Variants in DNAH5 observed in about 807,000 individuals in gnomAD.
DNAH5 encodes the protein axonemal beta dynein heavy chain 5.
A neutral mutation model predicts 518.2 loss-of-function variants in DNAH5; 372 were observed. The observed-to-expected ratio is 0.72, with a 90% CI of 0.66 to 0.78. The LOEUF (loss-of-function observed/expected upper bound fraction) is 0.78, where lower values mean the gene tolerates loss of function less well. Ranked by LOEUF, DNAH5 falls within the 30% of genes least tolerant of loss-of-function variation. DNAH5 has a pLI of 0.00. For missense variants in DNAH5, 5,523 were observed against 5,687.0 expected, an observed-to-expected ratio of 0.97 and a Z score of 0.93; for synonymous variants, 2,039 against 2,025.9, an observed-to-expected ratio of 1.01 and a Z score of -0.17.
At chr5:13,801,662 A>G (rs536296011) in intron 47 of DNAH5, among the ~76,000 whole-genome samples, 1 of 151,966 alleles carries the variant, frequency 6.6e-6, no homozygotes, top group Admixed American at 6.6e-5. Flanking sequence ...CTTGTTCTCC[A>G]CTCTACAGCC....
In DNAH5 at chr5:13,900,398, A is replaced by C; in HGVS notation, c.2067T>G (p.His689Gln). Residue 689 changes from histidine to glutamine, a missense_variant, in exon 15 of 79, where the codon CAT becomes CAG. Transcript: ENST00000265104. ...CCAATAATGAAGCCTCAAGACCTAC[A>C]TGAATTTCTTCAATCTGTGGGAAGA... is the stretch of plus-strand genomic sequence containing the variant. ...RAWLRQIEEI[H>Q]VGLEASLLVK... The C allele has an allele frequency of 6.2e-7, 1 of 1,614,146 alleles. No individual in the cohort carries two copies. The highest frequency in any genetic ancestry group is 1.1e-5 in the South Asian group (1 of 91,088).
chr5:13,861,264 T>C (rs1580633560), intron 29 of DNAH5, among the ~76,000 whole-genome samples: 1 of 152,224 alleles, frequency 6.6e-6, no homozygotes, highest in Admixed American at 6.5e-5. Context: ...ACCAAGTTCA[T>C]TAAAACTCAC....
At chr5:13,693,732 C>T (rs1351094233) in intron 78 of DNAH5, among the ~76,000 whole-genome samples, 1 of 152,044 alleles carries the variant, frequency 6.6e-6, no homozygotes, top group Non-Finnish European at 1.5e-5. Context: ...GTCAATAGTA[C>T]CAAGAGAATG....
chr5:13,766,610 C>T (rs973831947), intron 58 of DNAH5, among the ~76,000 whole-genome samples: 1 of 152,186 alleles, frequency 6.6e-6, no homozygotes, highest in African/African-American at 2.4e-5. Flanking sequence ...ACAATTCAGG[C>T]TCGTCACTGT....
chr5:13,939,231 A>G (rs2152022027), intron 1 of DNAH5, among the ~76,000 whole-genome samples: 1 of 152,306 alleles, frequency 6.6e-6, no homozygotes, highest in East Asian at 1.9e-4. Context: ...AAATTATTTT[A>G]CAAGTCACTC....
chr5:13,753,096 C>T, intron 63 of DNAH5, 137 bp downstream of exon 63: 1 of 652,606 alleles, frequency 1.5e-6, no homozygotes, highest in South Asian at 1.8e-5. Context: ...TAGATTTAAG[C>T]TTGCATCTGC....
Position 13,997,004 on chromosome 5 carries a change from A to C in DNAH5, c.12+14644T>G, listed in dbSNP as rs573389702. 2.0e-5 allele frequency among the ~76,000 whole-genome samples: 3 copies of C among 152,126 alleles called. No individual in the cohort carries two copies. In the East Asian group the frequency reaches 5.8e-4, roughly 29 times the overall value. The stretch of plus-strand genomic sequence containing the variant: ...CAACACTCTCCAGGGCATCCTTTGA[A>C]ATCTAGGTGGAGACAGCCATTCCCC... On this transcript the variant is annotated intron_variant, in intron 1 of 78. Transcript: ENST00000681290.
chr5:13,792,124 A>G lies in DNAH5; in HGVS notation c.8318T>C (p.Leu2773Pro), dbSNP rs1757095733. 6.2e-7 allele frequency: 1 copy of G among 1,614,086 alleles called. No individual in the cohort carries two copies. The highest frequency in any genetic ancestry group is 2.2e-5 in the East Asian group (1 of 44,874). The change falls in exon 50 of 79, where the codon CTA becomes CCA. Residue 2773 changes from leucine to proline, a missense_variant. Physicochemically the swap from Leu to Pro is moderately conservative, Grantham distance 98. This residue lies in a region of DNAH5 where 5,121 missense variants were observed against 5,223.3 expected (regional missense o/e 0.98). Transcript: ENST00000265104. Reference sequence around the variant, plus strand: ...CATTTTAATCTTGGTCATCTGCCATAGTCGGCGTGTCAGAGGCACCAATTT... The same window carrying G: ...CATTTTAATCTTGGTCATCTGCCATGGTCGGCGTGTCAGAGGCACCAATTT... ...VTKLVPLTRRLWQMTKIKMLP... is the reference protein window; with the variant it reads ...VTKLVPLTRRPWQMTKIKMLP...
intron 31 of DNAH5, among the ~76,000 whole-genome samples, chr5:13,849,482 A>G (rs1390585107): frequency 2.0e-5 from 3 of 152,180 alleles, no homozygotes; most frequent in Non-Finnish European, 2.9e-5. Context: ...CAAATTACCA[A>G]TTTGAGGACA....
intron 47 of DNAH5, among the ~76,000 whole-genome samples, chr5:13,800,613 A>C (rs115037906): frequency 0.012 from 1,863 of 152,286 alleles, 49 homozygotes; most frequent in African/African-American, 0.039. Context: ...ATGACCCCTT[A>C]AATTGCCTTC....
intron 54 of DNAH5, 43 bp from the exon 55 acceptor site, chr5:13,776,749 G>C: frequency 6.2e-7 from 1 of 1,602,394 alleles, no homozygotes; most frequent in Non-Finnish European, 8.5e-7. Context: ...ACACACATAG[G>C]AAAATAGATC....
intron 1 of DNAH5, among the ~76,000 whole-genome samples, chr5:13,995,941 A>C (rs1783905955): frequency 6.6e-6 from 1 of 152,230 alleles, no homozygotes; most frequent in Non-Finnish European, 1.5e-5. Context: ...ACAGATTTGT[A>C]CCCTACAAAC....
chr5:13,913,772 C>T lies in DNAH5; in HGVS notation c.1507G>A (p.Gly503Arg). The change falls in exon 11 of 79, where the codon GGG (glycine) becomes AGG (arginine). Residue 503 changes from glycine to arginine, a missense_variant. Physicochemically the swap from Gly to Arg is moderately radical, Grantham distance 125 (BLOSUM62 -2). Coordinates refer to ENST00000265104, the MANE Select transcript of DNAH5 (RefSeq NM_001369.3). ...YSVLQDSTIE[G>R]LEDMATKYQG... Reference sequence around the variant, plus strand: ...TATTTAGTGGCCATGTCTTCCAGCCCTTCAATTGTGGAATCTTGCAGGACT... The same window carrying T: ...TATTTAGTGGCCATGTCTTCCAGCCTTTCAATTGTGGAATCTTGCAGGACT... 1.9e-6 allele frequency: 3 copies of T among 1,613,492 alleles called. No individual in the cohort carries two copies. The highest frequency in any genetic ancestry group is 1.1e-5 in the South Asian group (1 of 91,060).
At position 13,781,150 on chromosome 5, in the gene DNAH5, C is replaced by T. The variant is rs146539626; in HGVS notation, c.8821-191G>A. ...TAGAACAGTGTTGGGCTGCATCAGA[C>T]GGGGTGGGAACCGTGGGGTGTGCCT... is the stretch of plus-strand genomic sequence containing the variant. On this transcript the variant is annotated intron_variant, in intron 52 of 78. Coordinates refer to ENST00000265104, the MANE Select transcript of DNAH5 (RefSeq NM_001369.3). 1.4e-4 allele frequency among the ~76,000 whole-genome samples: 22 copies of T among 152,186 alleles called. No individual in the cohort carries two copies. In the East Asian group the frequency reaches 2.9e-3, roughly 20 times the overall value.
chr5:13,870,244 G>T (rs1769894280), intron 24 of DNAH5, among the ~76,000 whole-genome samples: 1 of 152,092 alleles, frequency 6.6e-6, no homozygotes, highest in Non-Finnish European at 1.5e-5. Context: ...TTACCAGCTG[G>T]TATTCCCATC....
In DNAH5 at chr5:13,735,294, C is replaced by A; in HGVS notation, c.11598G>T (p.Lys3866Asn). ...TGTGCTCGATGATATTAGCAATCCT[C>A]TTGCTTGTAATCGGGCTCTTGACAG... Reference protein sequence around the residue: ...ARSVKSPITSKRIANIIEHMT... With the variant: ...ARSVKSPITSNRIANIIEHMT... The change falls in exon 68 of 79, where the codon AAG becomes AAT. Residue 3866 changes from lysine (K) to asparagine (N), a missense_variant. Lys to Asn is a moderately conservative substitution (Grantham distance 94, BLOSUM62 0). Around this residue, in one of 3 missense-constraint regions of DNAH5, gnomAD observed 5,121 missense variants for 5,223.3 expected, o/e 0.98. Coordinates refer to ENST00000265104, the MANE Select transcript of DNAH5 (RefSeq NM_001369.3). The A allele has an allele frequency of 6.2e-7, 1 of 1,614,092 alleles. No individual in the cohort carries two copies. Among genetic ancestry groups the A allele is most frequent in the Admixed American group, 1.7e-5 (1 of 60,010 alleles).
chr5:13,816,578 G>T, intron 42 of DNAH5, among the ~76,000 whole-genome samples: 1 of 148,716 alleles, frequency 6.7e-6, no homozygotes, highest in Non-Finnish European at 1.5e-5. Flanking sequence ...AAAAACCTCT[G>T]CGCTCTTGTT....
Position 13,754,445 on chromosome 5 carries a change from G to A in DNAH5, c.10420-107C>T, listed in dbSNP as rs150616479. The A allele has an allele frequency of 4.0e-6, 5 of 1,250,056 alleles. No homozygotes were observed. The African/African-American group carries it at 5.9e-5, about 15-fold the overall frequency. 77.4% of individuals were successfully genotyped at this position (1,250,056 alleles called of 1,614,324 possible). A position where few individuals can be genotyped will look rare whatever the true frequency, so the allele number is the denominator to read the frequency against. The stretch of plus-strand genomic sequence containing the variant: ...CATATTATCTGCCTTCCTGAGACAT[G>A]TGAGCCATTACTTCACAAGAAGCAT... On this transcript the variant is annotated intron_variant, in intron 61 of 78. Transcript: ENST00000265104.
At position 13,820,470 on chromosome 5, in the gene DNAH5, A is replaced by G; in HGVS notation, c.6717T>C (p.Pro2239=). 6.2e-7 allele frequency: 1 copy of G among 1,614,126 alleles called. No individual in the cohort carries two copies. The highest frequency in any genetic ancestry group is 2.2e-5 in the East Asian group (1 of 44,880). ...QVEEAGLINH[P]PWKLKVIQLF... is the part of the protein sequence containing the mutation. ...GCTGGATGACCTTCAGTTTCCAAGG[A>G]GGATGGTTGATTAAACCAGCTTCTT... The change falls in exon 41 of 79, where the codon CCT becomes CCC. Residue 2239 remains proline (P), a synonymous_variant. Coordinates refer to ENST00000265104, the MANE Select transcript of DNAH5 (RefSeq NM_001369.3).
Sources: allele counts gnomAD v4.1 joint callset (sites outside exome capture counted in the v4.1 genomes callset), GRCh38; gene constraint gnomAD v4.1.1; regional missense constraint gnomAD v4.1.1; transcripts MANE v1.5; gene names NCBI Gene and HGNC (gene_info 2026-07-23, HGNC 2026-07-21).